Variants in USH2A observed in about 807,000 individuals in gnomAD.
USH2A encodes Usher syndrome 2A (autosomal recessive, mild).
Under a neutral mutation model 538.9 loss-of-function variants are expected in USH2A, and 443 were observed. The observed-to-expected ratio is 0.82, with a 90% confidence interval of 0.76 to 0.89. The LOEUF is 0.89. USH2A is among the 40% of genes least tolerant of loss of function. The probability of loss-of-function intolerance (pLI) is 0.00; values close to 1 mark genes in which losing one functional copy is unlikely to be tolerated. For missense variants in USH2A, 6,633 were observed against 6,324.8 expected (o/e 1.05, Z -1.65); for synonymous variants, 2,413 against 2,273.5 (o/e 1.06, Z -1.75).
intron 38 of USH2A, among the ~76,000 whole-genome samples, chr1:215,933,344 C>A (rs1423763788): frequency 2.6e-5 from 4 of 151,766 alleles, no homozygotes; most frequent in Admixed American, 1.3e-4. Context: ...GGGTTTCAGT[C>A]TCAATTTTTA....
rs577063450 is a variant in USH2A at position 215,889,023 on chromosome 1, C to G, written c.7626G>C (p.Leu2542=). 38 of 1,613,900 alleles carry G rather than the reference C, an allele frequency of 2.4e-5. No individual in the cohort carries two copies. In the South Asian group the frequency reaches 3.6e-4, roughly 15 times the overall value. Residue 2542 remains leucine, a synonymous_variant, in exon 41 of 72, where the codon CTG becomes CTC. Transcript: ENST00000307340. ...KPGPVVPPIL[L]DVKSRMMLVT... Reference sequence around the variant, plus strand: ...CCAACATCATTCTTGACTTCACATCCAGAAGAATCGGAGGAACTACAGGTC... The same window carrying G: ...CCAACATCATTCTTGACTTCACATCGAGAAGAATCGGAGGAACTACAGGTC...
chr1:216,378,363 A>G (rs1033668107), intron 3 of USH2A, among the ~76,000 whole-genome samples: 1 of 152,198 alleles, frequency 6.6e-6, no homozygotes. Context: ...CTAAATTAGC[A>G]TCACTTCCAT....
intron 21 of USH2A, among the ~76,000 whole-genome samples, chr1:216,152,249 G>T (rs1467342005): frequency 2.6e-5 from 4 of 152,160 alleles, no homozygotes; most frequent in Non-Finnish European, 5.9e-5. Context: ...CATCCCCTGT[G>T]ACCTGCACGT....
chr1:216,162,566 A>G (rs1270865782), intron 21 of USH2A, among the ~76,000 whole-genome samples: 1 of 152,096 alleles, frequency 6.6e-6, no homozygotes, highest in African/African-American at 2.4e-5. Flanking sequence ...TTCTGTTTTG[A>G]CGGGAAGTAA....
chr1:216,322,791 G>T (rs1410039086), intron 8 of USH2A, among the ~76,000 whole-genome samples: 1 of 151,810 alleles, frequency 6.6e-6, no homozygotes, highest in Non-Finnish European at 1.5e-5. Context: ...ATTTTGGTCT[G>T]CTTTTAAAGA....
intron 35 of USH2A, among the ~76,000 whole-genome samples, chr1:215,992,519 C>G (rs1461388368): frequency 6.6e-6 from 1 of 152,124 alleles, no homozygotes; most frequent in Non-Finnish European, 1.5e-5. Flanking sequence ...TTAATCTATG[C>G]ATTGTTTAAA....
intron 4 of USH2A, among the ~76,000 whole-genome samples, chr1:216,356,863 A>G (rs1033867383): frequency 1.3e-5 from 2 of 152,100 alleles, no homozygotes; most frequent in African/African-American, 4.8e-5. Context: ...TAGTTTTCGC[A>G]TTTTTACTTT....
chr1:215,962,734 G>A (rs1255163601), intron 37 of USH2A, among the ~76,000 whole-genome samples: 1 of 152,068 alleles, frequency 6.6e-6, no homozygotes, highest in Non-Finnish European at 1.5e-5. Context: ...CTTTTCCTCT[G>A]AGACTGCAGA....
chr1:215,642,555 T>C (rs1361932867), intron 67 of USH2A, among the ~76,000 whole-genome samples: 1 of 152,180 alleles, frequency 6.6e-6, no homozygotes, highest in Non-Finnish European at 1.5e-5. Flanking sequence ...CTACTAAAAA[T>C]TAAATTATAT....
intron 4 of USH2A, among the ~76,000 whole-genome samples, chr1:216,361,618 G>T (rs1379923100): frequency 6.6e-6 from 1 of 152,016 alleles, no homozygotes; most frequent in Non-Finnish European, 1.5e-5. Context: ...TATTCATTTG[G>T]CAAATAAGCA....
chr1:215,670,512 C>A (rs542991764), intron 64 of USH2A, among the ~76,000 whole-genome samples: 1 of 152,146 alleles, frequency 6.6e-6, no homozygotes, highest in Non-Finnish European at 1.5e-5. Context: ...CTTAACTCAT[C>A]GCCATGGGCA....
intron 61 of USH2A, among the ~76,000 whole-genome samples, chr1:215,694,417 C>A (rs1308210180): frequency 2.0e-5 from 3 of 152,060 alleles, no homozygotes; most frequent in Admixed American, 2.0e-4. Context: ...ACTAAAAATA[C>A]CAAAAATTAG....
chr1:216,246,944 C>G lies in USH2A; in HGVS notation c.2450G>C (p.Cys817Ser), dbSNP rs2036061803. The stretch of plus-strand genomic sequence containing the variant: ...CTGTCTCCCTTCAACATTGGGCTTG[C>G]AGATGCACTGCCCTGTCTTAGCATT... ...VCNAKTGQCI[C>S]KPNVEGRQCN... is the part of the protein sequence containing the mutation. The change falls in exon 13 of 72, where the codon TGC becomes TCC. Residue 817 changes from cysteine to serine, a missense_variant. Coordinates refer to ENST00000307340, the MANE Select transcript of USH2A (RefSeq NM_206933.4). The G allele has an allele frequency of 6.2e-7, 1 of 1,613,998 alleles. No homozygotes were observed. Among genetic ancestry groups the G allele is most frequent in the East Asian group, 2.2e-5 (1 of 44,864 alleles).
intron 37 of USH2A, among the ~76,000 whole-genome samples, chr1:215,954,157 G>C (rs949921293): frequency 1.3e-5 from 2 of 152,206 alleles, no homozygotes; most frequent in African/African-American, 4.8e-5. Flanking sequence ...TCAGTGTGGC[G>C]ATTCCTCAGG....
chr1:215,965,697 A>G (rs1667325201), intron 36 of USH2A, among the ~76,000 whole-genome samples: 1 of 152,098 alleles, frequency 6.6e-6, no homozygotes, highest in Admixed American at 6.6e-5. Context: ...TGACCAAGGC[A>G]GCTATTTGTG....
At chr1:215,869,720 T>C (rs2102443034) in intron 43 of USH2A, among the ~76,000 whole-genome samples, 1 of 152,374 alleles carries the variant, frequency 6.6e-6, no homozygotes. Context: ...CACATGTCTA[T>C]GCTATTATAC....
At chr1:216,063,661 T>G (rs1488099270) in intron 30 of USH2A, among the ~76,000 whole-genome samples, 1 of 152,150 alleles carries the variant, frequency 6.6e-6, no homozygotes, top group East Asian at 1.9e-4. Context: ...AAAACAAGTA[T>G]GAATGAGTGA....
chr1:215,630,365 GATGTACATAT>G, intron 70 of USH2A: 1 of 430,614 alleles, frequency 2.3e-6, no homozygotes, highest in Non-Finnish European at 4.7e-6. Flanking sequence ...ATACTGCTCT[GATGTACATAT>G]ATATCCTAGG....
chr1:215,997,632 C>T (rs191234960), intron 34 of USH2A, among the ~76,000 whole-genome samples: 34 of 152,134 alleles, frequency 2.2e-4, no homozygotes, highest in Non-Finnish European at 3.5e-4. Flanking sequence ...ATCCTAAAAA[C>T]GGCCCTAGGA....
Sources: allele counts gnomAD v4.1 joint callset (sites outside exome capture counted in the v4.1 genomes callset), GRCh38; gene constraint gnomAD v4.1.1; transcripts MANE v1.5; gene names NCBI Gene and HGNC (gene_info 2026-07-23, HGNC 2026-07-21).